NR3C1: variants seen among roughly 807,000 people sequenced by gnomAD.
The protein encoded by NR3C1 is glucocorticoid receptor.
In NR3C1, 14 loss-of-function variants were observed where a neutral mutation model predicts 74.0. The observed-to-expected ratio is 0.19, with a 90% CI of 0.12 to 0.30. NR3C1 has a LOEUF of 0.30. Among genes scored for constraint, NR3C1 ranks in the 10% least tolerant of loss-of-function variants. The pLI is 1.00. For synonymous variants in NR3C1, 308 were observed against 332.5 expected, an observed-to-expected ratio of 0.93 and a Z score of 0.80; for missense variants, 695 against 909.8, an observed-to-expected ratio of 0.76 and a Z score of 3.04.
At chr5:143,354,542 G>C (rs1830765877) in intron 2 of NR3C1, among the ~76,000 whole-genome samples, 1 of 152,144 alleles carries the variant, frequency 6.6e-6, no homozygotes, top group South Asian at 2.1e-4. Context: ...AGACAGACAG[G>C]GAATGGCCAG....
intron 2 of NR3C1, among the ~76,000 whole-genome samples, chr5:143,319,418 G>C (rs1408824902): frequency 6.6e-6 from 1 of 152,006 alleles, no homozygotes; most frequent in Non-Finnish European, 1.5e-5. Flanking sequence ...AAAAAACAAA[G>C]ATATTATCAC....
intron 2 of NR3C1, among the ~76,000 whole-genome samples, chr5:143,367,770 G>A (rs905271917): frequency 6.6e-6 from 1 of 152,188 alleles, no homozygotes; most frequent in African/African-American, 2.4e-5. Flanking sequence ...AAGAAGTCTT[G>A]TATTCATGGG....
At chr5:143,341,185 G>T (rs190559087) in intron 2 of NR3C1, among the ~76,000 whole-genome samples, 1 of 152,230 alleles carries the variant, frequency 6.6e-6, no homozygotes, top group East Asian at 1.9e-4. Flanking sequence ...CAGCTCCAAA[G>T]AATGAACAAT....
At chr5:143,416,768 G>T (rs1281477558) in intron 1 of NR3C1, among the ~76,000 whole-genome samples, 1 of 152,164 alleles carries the variant, frequency 6.6e-6, no homozygotes, top group Non-Finnish European at 1.5e-5. Flanking sequence ...CAAAAGAGAA[G>T]CCAGTTGAAT....
At position 143,282,050 on chromosome 5, in the gene NR3C1, G is replaced by A. The variant is rs72542757; in HGVS notation, c.2182-9C>T. 3.7e-6 allele frequency: 6 copies of A among 1,613,284 alleles called. No individual in the cohort carries two copies. The South Asian group carries it at 4.4e-5, about 12-fold the overall frequency. On this transcript the variant is annotated splice_polypyrimidine_tract_variant and intron_variant, in intron 8 of 8. Coordinates refer to ENST00000394464, the MANE Select transcript of NR3C1 (RefSeq NM_000176.3). ...AGGAGATTTTCAACCACCTGCAAGA[G>A]AAGATATGGTAATGATCAGGCTTCC...
chr5:143,382,649 C>G (rs1235271774), intron 2 of NR3C1, among the ~76,000 whole-genome samples: 1 of 152,196 alleles, frequency 6.6e-6, no homozygotes, highest in Non-Finnish European at 1.5e-5. Context: ...GATTCATACC[C>G]AGGGAATCTG....
chr5:143,376,406 AC>A (rs1214233017), intron 2 of NR3C1, among the ~76,000 whole-genome samples: 1 of 152,184 alleles, frequency 6.6e-6, no homozygotes, highest in East Asian at 1.9e-4. Flanking sequence ...TTTCCATGAC[AC>A]CTAGTGCCCT....
chr5:143,296,952 C>G (rs1006738839), intron 6 of NR3C1, among the ~76,000 whole-genome samples: 5 of 151,754 alleles, frequency 3.3e-5, no homozygotes, highest in African/African-American at 1.2e-4. Flanking sequence ...GTGGAGTGCG[C>G]CTGTAATCCC....
intron 2 of NR3C1, among the ~76,000 whole-genome samples, chr5:143,357,679 T>C (rs1831411025): frequency 6.6e-6 from 1 of 152,254 alleles, no homozygotes; most frequent in Non-Finnish European, 1.5e-5. Flanking sequence ...TTTTATGTTG[T>C]GCAAGGTAGT....
At chr5:143,389,028 T>C (rs1460695107) in intron 2 of NR3C1, among the ~76,000 whole-genome samples, 1 of 152,202 alleles carries the variant, frequency 6.6e-6, no homozygotes, top group Admixed American at 6.5e-5. Flanking sequence ...TGTTGCCCCT[T>C]TTCTTATTCC....
At chr5:143,433,649 T>A (rs2151965597) in intron 1 of NR3C1, 1 of 151,894 alleles carries the variant, frequency 6.6e-6, no homozygotes, top group South Asian at 2.1e-4. Flanking sequence ...CTCCAGCAAC[T>A]CCTGCAGGCT....
In NR3C1 at chr5:143,398,217, G is replaced by A. The variant is rs537743914; in HGVS notation, c.1184+1439C>T. On this transcript the variant is annotated intron_variant, in intron 2 of 8. Transcript: ENST00000394464. Reference sequence around the variant, plus strand: ...ACACAACAGCTTATGCAATAATAAAGATCTCAAATCTCCTTACTGAAAAGA... The same window carrying A: ...ACACAACAGCTTATGCAATAATAAAAATCTCAAATCTCCTTACTGAAAAGA... Among the ~76,000 whole-genome samples the A allele has an allele frequency of 5.3e-5, 8 of 151,988 alleles. No homozygotes were observed. In the South Asian group the frequency reaches 1.7e-3, roughly 31 times the overall value.
At chr5:143,296,893 A>G (rs1301336631) in intron 6 of NR3C1, among the ~76,000 whole-genome samples, 5 of 152,018 alleles carry the variant, frequency 3.3e-5, no homozygotes, top group Non-Finnish European at 7.4e-5. Flanking sequence ...CCTGGCCAAT[A>G]TGGCAAAACC....
intron 1 of NR3C1, among the ~76,000 whole-genome samples, chr5:143,416,330 T>C (rs765038160): frequency 3.3e-5 from 5 of 152,154 alleles, no homozygotes; most frequent in South Asian, 2.1e-4. Flanking sequence ...CAGATACACC[T>C]TAATTCTTGG....
intron 6 of NR3C1, 79 bp from the exon 7 acceptor site, chr5:143,295,669 CA>C: frequency 1.7e-6 from 2 of 1,163,010 alleles, no homozygotes; most frequent in Non-Finnish European, 2.6e-6. Flanking sequence ...TTTTGTTTTG[CA>C]AAACTATGAA....
chr5:143,403,759 GC>G (rs1230977283), upstream of NR3C1: 1 of 984,260 alleles, frequency 1.0e-6, no homozygotes, highest in Admixed American at 6.2e-5. Flanking sequence ...GAGGGGCCGC[GC>G]GGCGGCCGCG....
At chr5:143,293,360 G>T (rs2151521932) in intron 7 of NR3C1, among the ~76,000 whole-genome samples, 2 of 152,180 alleles carry the variant, frequency 1.3e-5, no homozygotes, top group South Asian at 4.2e-4. Context: ...TGATATTATG[G>T]ACTTTGTGGA....
intron 2 of NR3C1, among the ~76,000 whole-genome samples, chr5:143,318,049 C>T (rs1340142580): frequency 6.6e-6 from 1 of 152,038 alleles, no homozygotes; most frequent in Non-Finnish European, 1.5e-5. Flanking sequence ...CTTATTAGTG[C>T]CATTTTAGGG....
At chr5:143,342,048 T>C (rs1265368145) in intron 2 of NR3C1, among the ~76,000 whole-genome samples, 1 of 151,966 alleles carries the variant, frequency 6.6e-6, no homozygotes, top group Non-Finnish European at 1.5e-5. Context: ...TCTCAGTCTC[T>C]CAGACTTTCA....
Sources: gnomAD v4.1 joint callset for allele counts (sites outside exome capture counted in the v4.1 genomes callset) on GRCh38, gnomAD v4.1.1 for gene constraint, MANE v1.5 for transcripts, NCBI Gene and HGNC (gene_info 2026-07-23, HGNC 2026-07-21) for gene names.